The following DRC8 variants were observed in gnomAD, a reference collection of about 807,000 sequenced individuals.
DRC8 encodes the protein dynein regulatory complex protein 8.
At chr1:245,057,246 T>C in the DRC8 span, among the ~76,000 whole-genome samples, 2 of 152,154 alleles carry the variant, frequency 1.3e-5, no homozygotes, top group African/African-American at 4.8e-5. Flanking sequence ...GCTTAAAACA[T>C]GTAAGGAGGC....
chr1:245,077,967 G>T, the DRC8 span, among the ~76,000 whole-genome samples: 6 of 151,320 alleles, frequency 4.0e-5, no homozygotes, highest in Non-Finnish European at 8.8e-5. Flanking sequence ...TTTGACAAGG[G>T]ATTAATATTC....
At chr1:245,097,200 A>G in the DRC8 span, among the ~76,000 whole-genome samples, 1 of 152,322 alleles carries the variant, frequency 6.6e-6, no homozygotes, top group African/African-American at 2.4e-5. The surrounding 1 kb of genome is among the most constrained non-coding windows in gnomAD (Gnocchi z 5.0). Context: ...AAAATATTTA[A>G]TTAGTGATAT....
chr1:245,069,684 G>A, the DRC8 span, among the ~76,000 whole-genome samples: 444 of 152,258 alleles, frequency 2.9e-3, 6 homozygotes, highest in Admixed American at 0.021. Context: ...AGATGAAGAC[G>A]TTCTAGAGAG....
At chr1:245,013,686 G>A in the DRC8 span, among the ~76,000 whole-genome samples, 1 of 152,140 alleles carries the variant, frequency 6.6e-6, no homozygotes, top group Non-Finnish European at 1.5e-5. Flanking sequence ...GAGAATGAAA[G>A]ATCCAATTTA....
the DRC8 span, among the ~76,000 whole-genome samples, chr1:245,016,105 C>G: frequency 6.6e-6 from 1 of 151,806 alleles, no homozygotes; most frequent in Non-Finnish European, 1.5e-5. Context: ...CCTCAGCCTC[C>G]CAACTTGCTG....
At chr1:245,082,211 G>T in the DRC8 span, 1 of 1,499,136 alleles carries the variant, frequency 6.7e-7, no homozygotes, top group South Asian at 1.1e-5. Flanking sequence ...TCAGAATTAT[G>T]AATCCATTCA....
the DRC8 span, among the ~76,000 whole-genome samples, chr1:245,027,313 G>A: frequency 0.79 from 119,559 of 151,768 alleles, 48,093 homozygotes; most frequent in Middle Eastern, 0.89. Flanking sequence ...AATAAAATAA[G>A]TGGATAGAAG....
the DRC8 span, among the ~76,000 whole-genome samples, chr1:245,052,174 C>T: frequency 1.3e-5 from 2 of 152,128 alleles, no homozygotes; most frequent in Non-Finnish European, 2.9e-5. Context: ...GACGACTGAG[C>T]GGATTGTTAG....
At chr1:245,080,465 A>C in the DRC8 span, among the ~76,000 whole-genome samples, 1 of 152,216 alleles carries the variant, frequency 6.6e-6, no homozygotes, top group East Asian at 1.9e-4. Flanking sequence ...TGATGATTTA[A>C]GATGTAGTTG....
At chr1:245,002,161 T>C in the DRC8 span, 1 of 1,609,984 alleles carries the variant, frequency 6.2e-7, no homozygotes, top group South Asian at 1.1e-5. Flanking sequence ...CCTCGGACTT[T>C]ACTGATCGAA....
the DRC8 span, among the ~76,000 whole-genome samples, chr1:245,084,418 C>G: frequency 6.6e-6 from 1 of 152,108 alleles, no homozygotes; most frequent in Admixed American, 6.5e-5. Context: ...CAATTGAATA[C>G]TGAGGTCATT....
the DRC8 span, among the ~76,000 whole-genome samples, chr1:245,074,687 G>T: frequency 6.6e-6 from 1 of 152,194 alleles, no homozygotes. Context: ...CCTCGTGGTT[G>T]CACAGCAGCC....
chr1:245,017,105 A>C, the DRC8 span: 22 of 839,480 alleles, frequency 2.6e-5, no homozygotes, highest in Non-Finnish European at 3.8e-5. Context: ...GAAGTTAAAC[A>C]TGCTAAATGA....
At chr1:245,118,651 C>T in the DRC8 span, among the ~76,000 whole-genome samples, 1 of 151,944 alleles carries the variant, frequency 6.6e-6, no homozygotes, top group South Asian at 2.1e-4. Context: ...ATTAGCCTGG[C>T]GTGGTGGTGC....
At chr1:245,122,994 G>A in the DRC8 span, 1 of 152,192 alleles carries the variant, frequency 6.6e-6, no homozygotes, top group Non-Finnish European at 1.5e-5. Flanking sequence ...CATACAATAT[G>A]TGGCCTTCTG....
At chr1:245,029,447 G>A in the DRC8 span, among the ~76,000 whole-genome samples, 1 of 152,052 alleles carries the variant, frequency 6.6e-6, no homozygotes, top group South Asian at 2.1e-4. Flanking sequence ...ACAGGCACCC[G>A]CCACCATGCT....
the DRC8 span, among the ~76,000 whole-genome samples, chr1:245,084,060 C>CGG: frequency 2.2e-5 from 1 of 45,668 alleles, no homozygotes; most frequent in Non-Finnish European, 5.7e-5. Context: ...TATAAAAATT[C>CGG]CGCCCCCCCC....
chr1:245,067,598 A>G, the DRC8 span, among the ~76,000 whole-genome samples: 1 of 152,216 alleles, frequency 6.6e-6, no homozygotes, highest in African/African-American at 2.4e-5. Context: ...ATCTTTCATT[A>G]TTCTTAATTG....
the DRC8 span, among the ~76,000 whole-genome samples, chr1:244,996,992 A>G: frequency 2.0e-5 from 3 of 152,188 alleles, no homozygotes; most frequent in African/African-American, 4.8e-5. Flanking sequence ...GTATACTTCA[A>G]ATCATCTCTA....
Sources: gnomAD v4.1 joint callset for allele counts (sites outside exome capture counted in the v4.1 genomes callset) on GRCh38, gnomAD v4.1.1 for gene constraint, Gnocchi (gnomAD v3.1) non-coding constraint, MANE v1.5 for transcripts, NCBI Gene and HGNC (gene_info 2026-07-23, HGNC 2026-07-21) for gene names.